EXD2: variants seen among roughly 807,000 people sequenced by gnomAD.
EXD2 encodes the protein exonuclease 3'-5' domain-containing protein 2.
Under a neutral mutation model 62.5 loss-of-function variants are expected in EXD2, and 40 were observed. The ratio of observed to expected loss-of-function variants is 0.64; its 90% CI spans 0.50 to 0.83. The LOEUF (loss-of-function observed/expected upper bound fraction) is 0.83, where lower values mean the gene tolerates loss of function less well. Among genes scored for constraint, EXD2 ranks in the 40% least tolerant of loss-of-function variants. The pLI is 0.00. For missense variants in EXD2, 671 were observed against 761.8 expected (o/e 0.88, Z 1.40); for synonymous variants, 239 against 291.9 (o/e 0.82, Z 1.85).
intron 9 of EXD2, among the ~76,000 whole-genome samples, chr14:69,238,897 G>A (rs1020252918): frequency 6.6e-6 from 1 of 152,032 alleles, no homozygotes; most frequent in African/African-American, 2.4e-5. Context: ...GGAAGAACTG[G>A]GATTACAGGC....
chr14:69,224,903 C>T lies in EXD2; in HGVS notation c.334-3913C>T, dbSNP rs190430353. Among the ~76,000 whole-genome samples the T allele has an allele frequency of 6.6e-5, 10 of 151,704 alleles. 1 individual carries two copies. The East Asian group carries it at 1.4e-3, about 21-fold the overall frequency. On this transcript the variant is annotated intron_variant, in intron 3 of 9. Transcript: ENST00000685843. ...CTGAGGCAGGAGAATCACTTGAACC[C>T]GGGAGGCAGAGGTTGCAGTGAGCCG...
At chr14:69,195,975 G>C (rs1191481370) in intron 1 of EXD2, 1 of 152,234 alleles carries the variant, frequency 6.6e-6, no homozygotes, top group Non-Finnish European at 1.5e-5. Flanking sequence ...AAGGAAGCTA[G>C]AAGTTCAAAA....
chr14:69,214,787 A>G (rs1002123322), intron 3 of EXD2, among the ~76,000 whole-genome samples: 1 of 152,054 alleles, frequency 6.6e-6, no homozygotes, highest in African/African-American at 2.4e-5. Flanking sequence ...ACTATAGTTT[A>G]ATTTTACCTG....
chr14:69,211,111 T>C (rs1179032939), intron 3 of EXD2, among the ~76,000 whole-genome samples: 1 of 152,196 alleles, frequency 6.6e-6, no homozygotes, highest in African/African-American at 2.4e-5. Flanking sequence ...TTCTCTACTA[T>C]GTGGTGCTGT....
chr14:69,220,676 C>G (rs1167878862), intron 3 of EXD2, among the ~76,000 whole-genome samples: 1 of 150,822 alleles, frequency 6.6e-6, no homozygotes, highest in Non-Finnish European at 1.5e-5. Flanking sequence ...CGAGACCAGC[C>G]TGGCCAACAT....
At chr14:69,205,914 T>C (rs1296939373) in intron 2 of EXD2, among the ~76,000 whole-genome samples, 1 of 151,984 alleles carries the variant, frequency 6.6e-6, no homozygotes, top group African/African-American at 2.4e-5. Flanking sequence ...TTTTATTTTT[T>C]AATTTATTTT....
At chr14:69,218,926 T>A (rs1007532625) in intron 3 of EXD2, among the ~76,000 whole-genome samples, 1 of 152,238 alleles carries the variant, frequency 6.6e-6, no homozygotes, top group African/African-American at 2.4e-5. Context: ...TAGTATAGTT[T>A]GAAGTCAGGT....
intron 1 of EXD2, among the ~76,000 whole-genome samples, chr14:69,192,826 C>T (rs2042077861): frequency 6.6e-6 from 1 of 152,188 alleles, no homozygotes; most frequent in South Asian, 2.1e-4. Context: ...ATTCTTTCTA[C>T]TTGCTCTGTA....
chr14:69,236,665 A>C (rs1193518508), intron 8 of EXD2, 123 bp downstream of exon 8: 3 of 1,279,600 alleles, frequency 2.3e-6, no homozygotes, highest in Non-Finnish European at 3.3e-6. Flanking sequence ...GCTTGTTCCT[A>C]GTATCCAGCT....
intron 3 of EXD2, among the ~76,000 whole-genome samples, chr14:69,215,004 G>A (rs1002292387): frequency 5.9e-5 from 9 of 151,896 alleles, no homozygotes; most frequent in African/African-American, 1.9e-4. Context: ...AGTATAGTCC[G>A]GGCGTGGTGG....
rs2043974018 is a variant in EXD2 at position 69,241,169 on chromosome 14, T to G, written c.*69T>G. 8.0e-7 allele frequency: 1 copy of G among 1,249,634 alleles called. No homozygotes were observed. Among genetic ancestry groups the G allele is most frequent in the Admixed American group, 2.0e-5 (1 of 50,672 alleles). 77.4% of individuals were successfully genotyped at this position (1,249,634 alleles called of 1,614,324 possible). A position where few individuals can be genotyped will look rare whatever the true frequency, so the allele number is the denominator to read the frequency against. On this transcript the variant is annotated 3_prime_UTR_variant, in exon 10 of 10. Transcript: ENST00000685843. ...AAGGTTGAAGAGTCACCTCTTCCCA[T>G]TTTAGTACATCATTAATTGTCAAAG...
chr14:69,203,286 A>G (rs2042469997), intron 1 of EXD2, among the ~76,000 whole-genome samples: 1 of 150,672 alleles, frequency 6.6e-6, no homozygotes, highest in South Asian at 2.1e-4. Context: ...ATGTTGCCCT[A>G]GGTAGTCTTG....
rs537570201 is a variant in EXD2, at chr14:69,235,735, T to C, written c.1050-311T>C. The C allele has an allele frequency of 4.3e-5, 16 of 371,418 alleles. No individual in the cohort carries two copies. The East Asian group carries it at 1.1e-3, about 25-fold the overall frequency. The allele number at this position is 371,418 out of a possible 1,614,324, so 23.0% of individuals were successfully genotyped here. A position where few individuals can be genotyped will look rare whatever the true frequency, so the allele number is the denominator to read the frequency against. ...TTTGTTTAATCCAGTGATTTGGCAG[T>C]TTTCTTGTTGCTTGGTTCTTTTTTG... is the stretch of plus-strand genomic sequence containing the variant. On this transcript the variant is annotated intron_variant, in intron 6 of 9. Coordinates refer to ENST00000685843, the MANE Select transcript of EXD2 (RefSeq NM_001193360.2).
At position 69,209,526 on chromosome 14, in the gene EXD2, T is replaced by C; in HGVS notation, c.56T>C (p.Val19Ala). Residue 19 changes from valine to alanine, a missense_variant, in exon 3 of 10, where the codon GTA becomes GCA. Coordinates refer to ENST00000685843, the MANE Select transcript of EXD2 (RefSeq NM_001193360.2). ...GTGACTACCCTTCTGGGTGTGGCTG[T>C]AGGGGGGTTTGTCCTCTGGAAAGGC... is the stretch of plus-strand genomic sequence containing the variant. ...LTVTTLLGVAVGGFVLWKGIQ... is the reference protein window; with the variant it reads ...LTVTTLLGVAAGGFVLWKGIQ... The C allele has an allele frequency of 2.6e-6, 4 of 1,550,428 alleles. 1 individual carries two copies. In the South Asian group the frequency reaches 3.6e-5, roughly 14 times the overall value.
intron 3 of EXD2, among the ~76,000 whole-genome samples, chr14:69,214,853 T>G (rs759915115): frequency 6.6e-6 from 1 of 152,212 alleles, no homozygotes; most frequent in Non-Finnish European, 1.5e-5. Context: ...TTGTCTTGCT[T>G]CTTTTTCCAA....
chr14:69,210,116 G>A (rs996218115), intron 3 of EXD2: 10 of 204,846 alleles, frequency 4.9e-5, no homozygotes, highest in Middle Eastern at 4.6e-4. Context: ...TAATAGGAAC[G>A]TCATGGTACC....
chr14:69,225,813 C>T (rs1180220114), intron 3 of EXD2, among the ~76,000 whole-genome samples: 4 of 152,086 alleles, frequency 2.6e-5, no homozygotes, highest in Non-Finnish European at 4.4e-5. Flanking sequence ...AATTGACTCT[C>T]CTAGAAACAT....
chr14:69,210,684 C>T (rs1348937610), intron 3 of EXD2, among the ~76,000 whole-genome samples: 3 of 152,018 alleles, frequency 2.0e-5, no homozygotes, highest in Non-Finnish European at 4.4e-5. Flanking sequence ...GTGACACCCA[C>T]CTGTAGTCCC....
chr14:69,228,959 C>A lies in EXD2; in HGVS notation c.477C>A (p.Gly159=). ...PRTLLDILAD[G]TILKVGVGCS... is the part of the protein sequence containing the mutation. ...CGTTATTGGATATTTTGGCAGATGG[C>A]ACCATTTTGAAAGTTGGAGTGGGAT... The change falls in exon 4 of 10, where the codon GGC becomes GGA. Residue 159 remains glycine, a synonymous_variant. Coordinates refer to ENST00000685843, the MANE Select transcript of EXD2 (RefSeq NM_001193360.2). 6.2e-7 allele frequency: 1 copy of A among 1,614,178 alleles called. No individual in the cohort carries two copies. The highest frequency in any genetic ancestry group is 8.5e-7 in the Non-Finnish European group (1 of 1,180,042).
Sources: allele counts gnomAD v4.1 joint callset (sites outside exome capture counted in the v4.1 genomes callset), GRCh38; gene constraint gnomAD v4.1.1; transcripts MANE v1.5; gene names NCBI Gene and HGNC (gene_info 2026-07-23, HGNC 2026-07-21).